Variants in VOPP1 observed in about 807,000 individuals in gnomAD.
VOPP1 encodes the protein VOPP1 WW domain binding protein.
A neutral mutation model predicts 23.5 loss-of-function variants in VOPP1; 8 were observed. That is an observed-to-expected ratio of 0.34 (90% confidence interval 0.20 to 0.61). The LOEUF is 0.61. VOPP1 is among the 20% of genes least tolerant of loss of function. The pLI, the probability that VOPP1 is intolerant of heterozygous loss-of-function variation, is 0.78. For synonymous variants in VOPP1, 83 were observed against 97.3 expected (o/e 0.85, Z 0.86); for missense variants, 174 against 238.1 (o/e 0.73, Z 1.77).
intron 1 of VOPP1, among the ~76,000 whole-genome samples, chr7:55,556,638 C>CT (rs961233915): frequency 4.7e-5 from 7 of 149,028 alleles, no homozygotes; most frequent in Admixed American, 3.4e-4. Context: ...CTGTTGGAAC[C>CT]CCCCCCCAAA....
At chr7:55,548,820 A>G (rs1797475893) in intron 1 of VOPP1, among the ~76,000 whole-genome samples, 1 of 152,260 alleles carries the variant, frequency 6.6e-6, no homozygotes, top group South Asian at 2.1e-4. Flanking sequence ...AGTAGACGAA[A>G]GATGAAAGAA....
intron 2 of VOPP1, among the ~76,000 whole-genome samples, chr7:55,513,582 T>C (rs150390610): frequency 6.6e-6 from 1 of 152,170 alleles, no homozygotes; most frequent in Non-Finnish European, 1.5e-5. Context: ...GCCCCATCCA[T>C]GTGACAGCCA....
chr7:55,486,748 TA>T (rs758995660), intron 4 of VOPP1, among the ~76,000 whole-genome samples: 33 of 152,132 alleles, frequency 2.2e-4, no homozygotes, highest in Admixed American at 5.2e-4. Context: ...TGGTGATTTG[TA>T]AACAAAAAAG....
At chr7:55,444,713 C>T (rs936390901) in intron 4 of VOPP1, among the ~76,000 whole-genome samples, 1 of 56,092 alleles carries the variant, frequency 1.8e-5, no homozygotes, top group South Asian at 5.3e-4. Flanking sequence ...TTCGTAGAAA[C>T]TCTTTTTTTT....
chr7:55,445,354 T>C (rs1024174958), intron 4 of VOPP1, among the ~76,000 whole-genome samples: 1 of 152,102 alleles, frequency 6.6e-6, no homozygotes, highest in African/African-American at 2.4e-5. Flanking sequence ...CCCTTACTCC[T>C]ACACACTTCA....
chr7:55,519,339 A>T (rs1795686265), intron 2 of VOPP1, among the ~76,000 whole-genome samples: 1 of 152,214 alleles, frequency 6.6e-6, no homozygotes, highest in African/African-American at 2.4e-5. Flanking sequence ...CAAAATATGC[A>T]GGGAACAAGT....
chr7:55,473,471 G>T (rs1791997726), intron 4 of VOPP1, among the ~76,000 whole-genome samples: 1 of 152,192 alleles, frequency 6.6e-6, no homozygotes, highest in Admixed American at 6.5e-5. Flanking sequence ...TCCCTGCCGG[G>T]CTAGTGTGCC....
At chr7:55,545,951 C>T (rs935378026) in intron 1 of VOPP1, among the ~76,000 whole-genome samples, 1 of 152,060 alleles carries the variant, frequency 6.6e-6, no homozygotes, top group African/African-American at 2.4e-5. Flanking sequence ...CCTGTAATAC[C>T]AGCTATTCAG....
At chr7:55,523,669 C>T (rs1430426554) in intron 1 of VOPP1, among the ~76,000 whole-genome samples, 1 of 152,210 alleles carries the variant, frequency 6.6e-6, no homozygotes, top group Non-Finnish European at 1.5e-5. Flanking sequence ...CAATCCCTTA[C>T]ATTTCTCCTT....
chr7:55,485,773 G>A (rs184373789), intron 4 of VOPP1, among the ~76,000 whole-genome samples: 2 of 152,362 alleles, frequency 1.3e-5, no homozygotes, highest in East Asian at 3.9e-4. Context: ...ACCTCACGTG[G>A]GGCTGCAGAC....
At position 55,472,077 on chromosome 7, in the gene VOPP1, T is replaced by G. The variant is rs1241722286; in HGVS notation, c.*778A>C. ...TCCATAAACACACCAAAAAAATGGG[T>G]AACAGTCCTTTCTCCAAATCAGACC... On this transcript the variant is annotated 3_prime_UTR_variant, in exon 5 of 5. Coordinates refer to ENST00000285279, the MANE Select transcript of VOPP1 (RefSeq NM_030796.5). 6.6e-6 allele frequency: 1 copy of G among 152,058 alleles called. No homozygotes were observed. Among genetic ancestry groups the G allele is most frequent in the Non-Finnish European group, 1.5e-5 (1 of 68,010 alleles). 9.4% of individuals were successfully genotyped at this position (152,058 alleles called of 1,614,324 possible).
intron 1 of VOPP1, chr7:55,539,496 T>A (rs11768022): frequency 6.6e-6 from 1 of 152,054 alleles, no homozygotes; most frequent in Non-Finnish European, 1.5e-5. Flanking sequence ...CACCCCTTCA[T>A]CCCAAAGATT....
At chr7:55,514,563 G>A (rs1458631466) in intron 2 of VOPP1, among the ~76,000 whole-genome samples, 2 of 152,180 alleles carry the variant, frequency 1.3e-5, no homozygotes, top group African/African-American at 4.8e-5. Context: ...TATGGGCCAG[G>A]CCCTGAAGGG....
At chr7:55,570,581 T>C (rs1205838374) in intron 1 of VOPP1, among the ~76,000 whole-genome samples, 3 of 152,048 alleles carry the variant, frequency 2.0e-5, no homozygotes, top group African/African-American at 7.2e-5. Flanking sequence ...GACAGAAGGC[T>C]TGGGAGACAT....
At chr7:55,515,741 C>T (rs151045810) in intron 2 of VOPP1, among the ~76,000 whole-genome samples, 1,671 of 152,304 alleles carry the variant, frequency 0.011, 11 homozygotes, top group Middle Eastern at 0.02. Flanking sequence ...ACAGGAGCTC[C>T]CTGTCACCTG....
At chr7:55,538,634 A>G in intron 1 of VOPP1, 1 of 1,536,068 alleles carries the variant, frequency 6.5e-7, no homozygotes, top group Non-Finnish European at 8.7e-7. Flanking sequence ...CAGAAGACAG[A>G]TACCCAAGAG....
chr7:55,554,954 T>C (rs951703094), intron 1 of VOPP1, among the ~76,000 whole-genome samples: 2 of 152,142 alleles, frequency 1.3e-5, no homozygotes, highest in Non-Finnish European at 2.9e-5. Flanking sequence ...GGTCTGGGAA[T>C]GGAGAAGGAA....
chr7:55,537,358 G>A, intron 1 of VOPP1: 1 of 1,161,322 alleles, frequency 8.6e-7, no homozygotes, highest in Non-Finnish European at 1.2e-6. Context: ...GCAAGCAGAG[G>A]CCAACAAGTC....
chr7:55,509,552 A>T (rs544219133), intron 2 of VOPP1, among the ~76,000 whole-genome samples: 1 of 152,188 alleles, frequency 6.6e-6, no homozygotes, highest in Non-Finnish European at 1.5e-5. Context: ...TTAGGTTCCA[A>T]CATAGGAATT....
Sources: gnomAD v4.1 joint callset for allele counts (sites outside exome capture counted in the v4.1 genomes callset) on GRCh38, gnomAD v4.1.1 for gene constraint, MANE v1.5 for transcripts, NCBI Gene and HGNC (gene_info 2026-07-23, HGNC 2026-07-21) for gene names.